Variants in ABHD2 observed in about 807,000 individuals in gnomAD.
The protein encoded by ABHD2 is monoacylglycerol lipase ABHD2.
Under a neutral mutation model 48.1 loss-of-function variants are expected in ABHD2, and 20 were observed. The ratio of observed to expected loss-of-function variants is 0.42; its 90% CI spans 0.29 to 0.60. The LOEUF (loss-of-function observed/expected upper bound fraction) is 0.60. Among genes scored for constraint, ABHD2 ranks in the 20% least tolerant of loss-of-function variants. The pLI is 0.24. For missense variants in ABHD2, 405 were observed against 550.9 expected, an observed-to-expected ratio of 0.74 and a Z score of 2.65; for synonymous variants, 209 against 214.2, an observed-to-expected ratio of 0.98 and a Z score of 0.21.
chr15:89,075,736 C>G, the ABHD2 span, among the ~76,000 whole-genome samples: 2 of 152,126 alleles, frequency 1.3e-5, no homozygotes, highest in African/African-American at 4.8e-5. This position sits in a 1 kb window ranked among gnomAD's most constrained non-coding sequence, Gnocchi z 4.1. Flanking sequence ...GAGGACAGAA[C>G]CACCAGGGAA....
chr15:89,045,484 C>T, the ABHD2 span, among the ~76,000 whole-genome samples: 1 of 152,114 alleles, frequency 6.6e-6, no homozygotes, highest in African/African-American at 2.4e-5. Context: ...TATAAATTAC[C>T]TTGGGCAGTA....
chr15:89,121,044 AC>A (rs1474840063), intron 3 of ABHD2, among the ~76,000 whole-genome samples: 3 of 152,172 alleles, frequency 2.0e-5, no homozygotes, highest in Non-Finnish European at 4.4e-5. Context: ...CTCACGTTTG[AC>A]TTTTTTATAG....
chr15:89,145,636 A>G (rs190373458), intron 3 of ABHD2, among the ~76,000 whole-genome samples: 1 of 152,272 alleles, frequency 6.6e-6, no homozygotes, highest in Admixed American at 6.5e-5. Flanking sequence ...CTTCCTTTCT[A>G]AGGGCATACA....
chr15:89,183,476 C>A (rs1191879027), intron 6 of ABHD2: 1 of 142,530 alleles, frequency 7.0e-6, no homozygotes, highest in African/African-American at 2.6e-5. Flanking sequence ...ATTTAAGTTT[C>A]AATTCCTTAA....
At chr15:89,183,692 G>C (rs2051159501) in intron 6 of ABHD2, among the ~76,000 whole-genome samples, 1 of 151,738 alleles carries the variant, frequency 6.6e-6, no homozygotes, top group South Asian at 2.1e-4. Context: ...AAAAATCAAG[G>C]GCTGCAGCAT....
intron 3 of ABHD2, among the ~76,000 whole-genome samples, chr15:89,118,226 C>A (rs571634838): frequency 6.6e-6 from 1 of 151,906 alleles, no homozygotes; most frequent in South Asian, 2.1e-4. Context: ...CTCTGTCACC[C>A]GGGCTGGAGT....
chr15:89,103,566 G>T (rs911350566), intron 1 of ABHD2, among the ~76,000 whole-genome samples: 1 of 152,092 alleles, frequency 6.6e-6, no homozygotes, highest in African/African-American at 2.4e-5. Flanking sequence ...CTTAAGTTAG[G>T]CCTCAAAATC....
At chr15:89,165,577 C>T (rs1157911437) in intron 5 of ABHD2, among the ~76,000 whole-genome samples, 1 of 151,840 alleles carries the variant, frequency 6.6e-6, no homozygotes, top group Non-Finnish European at 1.5e-5. Context: ...CATAGCAAGT[C>T]CTTGTCTCTA....
chr15:89,124,499 C>T (rs1017595738), intron 3 of ABHD2, among the ~76,000 whole-genome samples: 1 of 152,248 alleles, frequency 6.6e-6, no homozygotes, highest in African/African-American at 2.4e-5. Flanking sequence ...ATTTCATTAT[C>T]TTTGACTTAA....
chr15:89,055,682 A>T, the ABHD2 span, among the ~76,000 whole-genome samples: 1,412 of 152,104 alleles, frequency 9.3e-3, 16 homozygotes, highest in African/African-American at 0.033. Context: ...ATCACTAGAA[A>T]CACCCTGGAT....
chr15:89,152,200 C>T (rs1324109892), intron 4 of ABHD2, among the ~76,000 whole-genome samples: 1 of 152,058 alleles, frequency 6.6e-6, no homozygotes, highest in Non-Finnish European at 1.5e-5. Flanking sequence ...CTCAGCCTCC[C>T]GAGTAGCTGG....
chr15:89,171,438 T>C (rs1191524655), intron 5 of ABHD2, among the ~76,000 whole-genome samples: 1 of 152,164 alleles, frequency 6.6e-6, no homozygotes, highest in Non-Finnish European at 1.5e-5. Context: ...CTTGCAGTAA[T>C]ATATAACCTC....
At chr15:89,084,793 C>T (rs1486620246), upstream of ABHD2, among the ~76,000 whole-genome samples, 2 of 152,140 alleles carry the variant, frequency 1.3e-5, no homozygotes, top group Non-Finnish European at 2.9e-5. The surrounding 1 kb of genome is among the most constrained non-coding windows in gnomAD (Gnocchi z 4.4). Flanking sequence ...GTTTGATGCA[C>T]TTTGCATCTG....
intron 3 of ABHD2, among the ~76,000 whole-genome samples, chr15:89,139,070 G>T (rs1316781121): frequency 6.6e-6 from 1 of 152,000 alleles, no homozygotes; most frequent in East Asian, 1.9e-4. Flanking sequence ...AATTAACTGG[G>T]CATGGTGGCA....
chr15:89,098,052 G>A (rs908581450), intron 1 of ABHD2, among the ~76,000 whole-genome samples: 26 of 152,006 alleles, frequency 1.7e-4, no homozygotes, highest in African/African-American at 6.0e-4. Flanking sequence ...GCTAATTTTT[G>A]TGTTTGTTGT....
At chr15:89,053,616 C>A in the ABHD2 span, among the ~76,000 whole-genome samples, 1 of 152,178 alleles carries the variant, frequency 6.6e-6, no homozygotes, top group African/African-American at 2.4e-5. Flanking sequence ...ACAGGAGGCA[C>A]TAAGCAGAGG....
At chr15:89,056,685 C>G in the ABHD2 span, among the ~76,000 whole-genome samples, 1 of 151,970 alleles carries the variant, frequency 6.6e-6, no homozygotes, top group Non-Finnish European at 1.5e-5. Flanking sequence ...AGGGTGCTTG[C>G]AAAAGATAGA....
intron 3 of ABHD2, chr15:89,135,829 T>C (rs2050300201): frequency 1.3e-6 from 1 of 760,676 alleles, no homozygotes; most frequent in Non-Finnish European, 2.4e-6. Context: ...ATGTTCTCCT[T>C]TGATATTTGG....
the ABHD2 span, among the ~76,000 whole-genome samples, chr15:89,050,426 C>T: frequency 1.3e-5 from 2 of 152,184 alleles, 1 homozygote; most frequent in Admixed American, 1.3e-4. Context: ...GGCTATGGGT[C>T]AGGGAGGAGC....
Sources: gnomAD v4.1 joint callset for allele counts (sites outside exome capture counted in the v4.1 genomes callset) on GRCh38, gnomAD v4.1.1 for gene constraint, Gnocchi (gnomAD v3.1) non-coding constraint, MANE v1.5 for transcripts, NCBI Gene and HGNC (gene_info 2026-07-23, HGNC 2026-07-21) for gene names.